The following ZNF813 variants were observed in gnomAD, a reference collection of about 807,000 sequenced individuals.
The protein encoded by ZNF813 is zinc finger protein 813.
Under a neutral mutation model 7.2 loss-of-function variants are expected in ZNF813, and 3 were observed. The observed-to-expected ratio is 0.42, with a 90% CI of 0.19 to 1.08. The LOEUF is 1.08. Among genes scored for constraint, ZNF813 ranks in the 50% least tolerant of loss-of-function variants. The pLI is 0.30. For synonymous variants in ZNF813, 227 were observed against 256.3 expected, an observed-to-expected ratio of 0.89 and a Z score of 1.09; for missense variants, 714 against 753.3, an observed-to-expected ratio of 0.95 and a Z score of 0.61.
chr19:53,492,318 T>C lies in ZNF813; in HGVS notation c.*232T>C. 1 of 708,788 alleles carries C rather than the reference T, an allele frequency of 1.4e-6. No homozygotes were observed. Among genetic ancestry groups the C allele is most frequent in the South Asian group, 1.9e-5 (1 of 51,742 alleles). The allele number at this position is 708,788 out of a possible 1,614,324, so 43.9% of individuals were successfully genotyped here. A position where few individuals can be genotyped will look rare whatever the true frequency, so the allele number is the denominator to read the frequency against. On this transcript the variant is annotated 3_prime_UTR_variant, in exon 4 of 4. Transcript: ENST00000396403. The stretch of plus-strand genomic sequence containing the variant: ...GAAATGTGAAGCATGTGACAAAGTT[T>C]ACAGTGGCAAATCGAGCCTCAAAAG...
chr19:53,476,113 A>G (rs563283271), intron 1 of ZNF813, among the ~76,000 whole-genome samples: 3 of 152,140 alleles, frequency 2.0e-5, no homozygotes, highest in East Asian at 1.9e-4. Context: ...GTGGCTCACT[A>G]TGACACCTAG....
Position 53,489,250 on chromosome 19 carries a change from G to A in ZNF813, c.143-1125G>A, listed in dbSNP as rs147456102. Among the ~76,000 whole-genome samples the A allele has an allele frequency of 9.4e-3, 1,427 of 152,138 alleles. 22 individuals are homozygous for A. The highest frequency in any genetic ancestry group is 0.032 in the African/African-American group (1,337 of 41,504). On this transcript the variant is annotated intron_variant, in intron 3 of 3. Transcript: ENST00000396403. ...TCGAACTCCTGACCTCAGGTGATCC[G>A]CCTGCCTTGGCCTCCCAAAGTGCTA...
At chr19:53,486,560 T>G (rs2147161320) in intron 2 of ZNF813, 72 bp from the exon 3 acceptor site, 1 of 1,611,976 alleles carries the variant, frequency 6.2e-7, no homozygotes, top group African/African-American at 1.3e-5. Context: ...TTCCCCTCTC[T>G]CCTCTTCTCA....
chr19:53,478,991 G>A (rs1402510355), intron 1 of ZNF813, among the ~76,000 whole-genome samples: 2 of 150,748 alleles, frequency 1.3e-5, no homozygotes, highest in African/African-American at 4.9e-5. Context: ...CTGGAGTGTA[G>A]TGGCATGATG....
intron 1 of ZNF813, among the ~76,000 whole-genome samples, chr19:53,468,139 GC>G (rs1027782314): frequency 2.1e-4 from 32 of 150,214 alleles, no homozygotes; most frequent in African/African-American, 7.6e-4. Context: ...CAGAACCGCG[GC>G]CCCAGTCCCG....
In ZNF813 at chr19:53,482,712, G is replaced by GTTTTTTT. The variant is rs869250512; in HGVS notation, c.-73-1017_-73-1011dup. Among the ~76,000 whole-genome samples the GTTTTTTT allele has an allele frequency of 3.8e-4, 34 of 89,076 alleles. 2 individuals are homozygous for GTTTTTTT. The highest frequency in any genetic ancestry group is 1.2e-3 in the South Asian group (3 of 2,562). 58.4% of individuals were successfully genotyped at this position (89,076 alleles called of 152,430 possible). ...ATCAATCACATCAGGAATGCTTTTT[G>GTTTTTTT]TTTTTTTTTTTTTTTTTTTTTTTTT... On this transcript the variant is annotated intron_variant, in intron 1 of 3. Coordinates refer to ENST00000396403, the MANE Select transcript of ZNF813 (RefSeq NM_001004301.4).
chr19:53,484,002 T>C (rs2086421403), intron 2 of ZNF813, among the ~76,000 whole-genome samples, 165 bp downstream of exon 2: 1 of 152,078 alleles, frequency 6.6e-6, no homozygotes, highest in Non-Finnish European at 1.5e-5. Context: ...ATTCCATCTC[T>C]TGTGACCGAG....
rs56205627 is a variant in ZNF813, at chr19:53,494,643, CA to C, written c.*2571del. The C allele has an allele frequency of 0.69, 94,853 of 136,944 alleles. 32,763 individuals are homozygous for C. Among genetic ancestry groups the C allele is most frequent in the East Asian group, 0.76 (3,620 of 4,740 alleles). The allele number at this position is 136,944 out of a possible 1,614,324, so 8.5% of individuals were successfully genotyped here. On this transcript the variant is annotated 3_prime_UTR_variant, in exon 4 of 4. Coordinates refer to ENST00000396403, the MANE Select transcript of ZNF813 (RefSeq NM_001004301.4). The stretch of plus-strand genomic sequence containing the variant: ...GGTCAACAAGAGCGAAACTCTGTCT[CA>C]AAAAAAAAAAAAAGAAAAGAAAAGA...
rs140743475 is a variant in ZNF813 at position 53,470,970 on chromosome 19, C to T, written c.-74+3181C>T. On this transcript the variant is annotated intron_variant, in intron 1 of 3. Coordinates refer to ENST00000396403, the MANE Select transcript of ZNF813 (RefSeq NM_001004301.4). ...CTTGCAACTTTATGATGCGGTTAAG[C>T]ATGTAAATTGGGGTGCGGTACCTTT... 3.7e-3 allele frequency among the ~76,000 whole-genome samples: 562 copies of T among 152,226 alleles called. 8 individuals carry two copies. Among genetic ancestry groups the T allele is most frequent in the African/African-American group, 0.013 (520 of 41,540 alleles).
At chr19:53,474,530 A>C (rs2086373498) in intron 1 of ZNF813, among the ~76,000 whole-genome samples, 1 of 152,090 alleles carries the variant, frequency 6.6e-6, no homozygotes, top group Non-Finnish European at 1.5e-5. Flanking sequence ...CTACTGAAAA[A>C]ACAAAAGAAG....
chr19:53,490,849 A>G lies in ZNF813; in HGVS notation c.617A>G (p.Gln206Arg), dbSNP rs752334066. Residue 206 changes from glutamine to arginine, a missense_variant, in exon 4 of 4, where the codon CAG becomes CGG. This residue lies in a region of ZNF813 where 563 missense variants were observed against 554.2 expected (regional missense o/e 1.02). Transcript: ENST00000396403. ...AATTCTTCGTTACTCACACAAAAAC[A>G]GGAGGTACACATGAGAGAAAAGTCT... is the stretch of plus-strand genomic sequence containing the variant. ...FRNSSLLTQK[Q>R]EVHMREKSFQ... The G allele has an allele frequency of 3.7e-6, 6 of 1,614,120 alleles. No homozygotes were observed. Among genetic ancestry groups the G allele is most frequent in the Admixed American group, 3.3e-5 (2 of 60,008 alleles).
chr19:53,476,412 C>T (rs1480120544), intron 1 of ZNF813, among the ~76,000 whole-genome samples: 4 of 151,914 alleles, frequency 2.6e-5, no homozygotes, highest in Non-Finnish European at 5.9e-5. Flanking sequence ...GGCTGGATCA[C>T]GAGGTCAGGA....
chr19:53,485,629 G>A (rs12981248), intron 2 of ZNF813, among the ~76,000 whole-genome samples: 165 of 119,464 alleles, frequency 1.4e-3, no homozygotes, highest in African/African-American at 3.9e-3. Context: ...CATGCATGTC[G>A]TGATATATAC....
At chr19:53,470,136 G>A (rs1382485080) in intron 1 of ZNF813, among the ~76,000 whole-genome samples, 1 of 128,890 alleles carries the variant, frequency 7.8e-6, no homozygotes, top group Non-Finnish European at 1.7e-5. Flanking sequence ...AAATACATTT[G>A]TTTTCTTTCT....
chr19:53,474,321 G>A (rs982113112), intron 1 of ZNF813, among the ~76,000 whole-genome samples: 1 of 152,174 alleles, frequency 6.6e-6, no homozygotes, highest in Non-Finnish European at 1.5e-5. Flanking sequence ...CCCCCATAAC[G>A]GTTATTCTGA....
At position 53,495,460 on chromosome 19, in the gene ZNF813, G is replaced by C. The variant is rs189170071; in HGVS notation, c.*3374G>C. On this transcript the variant is annotated 3_prime_UTR_variant, in exon 4 of 4. Transcript: ENST00000396403. Reference sequence around the variant, plus strand: ...GCTGGTCTTGAACTCCTGACCTCACGATCTGCCCACCTCAGCCTCCCAAAG... The same window carrying C: ...GCTGGTCTTGAACTCCTGACCTCACCATCTGCCCACCTCAGCCTCCCAAAG... 2.0e-5 allele frequency: 3 copies of C among 151,978 alleles called. No individual in the cohort carries two copies. The highest frequency in any genetic ancestry group is 4.4e-5 in the Non-Finnish European group (3 of 68,008). The allele number at this position is 151,978 out of a possible 1,614,324, so 9.4% of individuals were successfully genotyped here.
At chr19:53,476,232 T>C (rs2086381116) in intron 1 of ZNF813, among the ~76,000 whole-genome samples, 1 of 152,166 alleles carries the variant, frequency 6.6e-6, no homozygotes, top group African/African-American at 2.4e-5. Context: ...ACAGTCCTCT[T>C]AGATTGGGGC....
At chr19:53,488,688 G>A (rs1262828117) in intron 3 of ZNF813, among the ~76,000 whole-genome samples, 2 of 146,678 alleles carry the variant, frequency 1.4e-5, no homozygotes, top group Non-Finnish European at 3.0e-5. Context: ...CAAAGTGCTG[G>A]GATTACAGGC....
intron 1 of ZNF813, among the ~76,000 whole-genome samples, chr19:53,478,948 T>G (rs2086394531): frequency 1.3e-5 from 1 of 74,418 alleles, no homozygotes; most frequent in African/African-American, 6.1e-5. Context: ...GTTTTTTGTG[T>G]TTTTTTGGCA....
Sources: gnomAD v4.1 joint callset for allele counts (sites outside exome capture counted in the v4.1 genomes callset) on GRCh38, gnomAD v4.1.1 for gene constraint, gnomAD v4.1.1 regional missense constraint, MANE v1.5 for transcripts, NCBI Gene and HGNC (gene_info 2026-07-23, HGNC 2026-07-21) for gene names.